The following RPGR variants were observed in gnomAD, a reference collection of about 807,000 sequenced individuals.
The protein encoded by RPGR is retinitis pigmentosa GTPase regulator.
Under a neutral mutation model 56.3 loss-of-function variants are expected in RPGR, and 10 were observed. That is an observed-to-expected ratio of 0.18 (90% CI 0.11 to 0.30). The LOEUF (loss-of-function observed/expected upper bound fraction) is 0.30, where lower values mean the gene tolerates loss of function less well. Ranked by LOEUF, RPGR falls within the 10% of genes least tolerant of loss-of-function variation. The pLI is 1.00. For synonymous variants in RPGR, 197 were observed against 212.9 expected (o/e 0.93, Z 0.65); for missense variants, 538 against 590.9 (o/e 0.91, Z 0.93).
At position 38,299,045 on chromosome X, in the gene RPGR, A is replaced by G; in HGVS notation, c.1156T>C (p.Ser386Pro). ...CTATACGGCAGAAAAGTCGCCACAG[A>G]TAAGCAAGTATCATTTATTTCATCG... The change falls in exon 10 of 19, where the codon TCT (serine) becomes CCT (proline). Residue 386 changes from serine (S) to proline (P), a missense_variant. Physicochemically the swap from Ser to Pro is moderately conservative, Grantham distance 74. Around this residue, in one of 2 missense-constraint regions of RPGR, gnomAD observed 357 missense variants for 325.8 expected, o/e 1.10. Coordinates refer to ENST00000642395, the MANE Select transcript of RPGR (RefSeq NM_000328.3). 2 of 1,211,661 alleles carry G rather than the reference A, an allele frequency of 1.7e-6. No homozygotes were observed. Among genetic ancestry groups the G allele is most frequent in the Non-Finnish European group, 2.2e-6 (2 of 895,447 alleles).
chrX:38,276,510 A>G, intron 16 of RPGR: 1 of 1,009,366 alleles, frequency 9.9e-7, no homozygotes, highest in Non-Finnish European at 1.4e-6. Flanking sequence ...AGGCAACTGG[A>G]ATCTGTCCTC....
rs115658398 is a variant in RPGR, at chrX:38,306,147, A to C, written c.779-1357T>G. ...TTAGTCACTTCTCCTTAGTACACTG[A>C]GTTTTGTACTTTGAGTTTAGTACAT... On this transcript the variant is annotated intron_variant, in intron 7 of 18. Coordinates refer to ENST00000642395, the MANE Select transcript of RPGR (RefSeq NM_000328.3). Among the ~76,000 whole-genome samples, 1,077 of 111,937 alleles carry C rather than the reference A, an allele frequency of 9.6e-3. 16 individuals carry two copies. The highest frequency in any genetic ancestry group is 0.033 in the African/African-American group (1,024 of 30,805).
rs181628882 is a variant in RPGR at position 38,324,935 on chromosome X, C to T, written c.29-1411G>A. Among the ~76,000 whole-genome samples the T allele has an allele frequency of 3.9e-3, 413 of 106,369 alleles. 2 individuals carry two copies. The highest frequency in any genetic ancestry group is 0.014 in the African/African-American group (397 of 29,212). 92.4% of individuals were successfully genotyped at this position (106,369 alleles called of 115,157 possible). On this transcript the variant is annotated intron_variant, in intron 1 of 18. Transcript: ENST00000642395. The stretch of plus-strand genomic sequence containing the variant: ...CTGTAATCACAGCACTTTGGGAGGC[C>T]GAGGCAGGTGGATCATTTGAGGTCA...
At chrX:38,318,637 AAAATAAGCAT>A (rs2067870642) in intron 5 of RPGR, among the ~76,000 whole-genome samples, 182 bp downstream of exon 5, 1 of 112,286 alleles carries the variant, frequency 8.9e-6, no homozygotes, top group Admixed American at 9.5e-5. Flanking sequence ...AAATAAGCAT[AAAATAAGCAT>A]AAATAAGCAT....
chrX:38,309,824 G>A (rs1015845291), intron 7 of RPGR, among the ~76,000 whole-genome samples: 33 of 109,732 alleles, frequency 3.0e-4, no homozygotes, highest in Non-Finnish European at 1.9e-4. Context: ...GCGAAACTCC[G>A]TCTCAAAAAA....
intron 17 of RPGR, among the ~76,000 whole-genome samples, chrX:38,274,328 T>G (rs913817298): frequency 3.6e-5 from 4 of 111,772 alleles, no homozygotes; most frequent in Non-Finnish European, 7.5e-5. Flanking sequence ...GGTAAGACAC[T>G]CAGGTCTGAG....
intron 15 of RPGR, among the ~76,000 whole-genome samples, chrX:38,282,886 T>C (rs2067056901): frequency 9.0e-6 from 1 of 110,893 alleles, no homozygotes; most frequent in Non-Finnish European, 1.9e-5. Context: ...TGTAACTCAA[T>C]GGATTCTATA....
At chrX:38,314,231 C>T (rs1482633472) in intron 6 of RPGR, among the ~76,000 whole-genome samples, 2 of 111,509 alleles carry the variant, frequency 1.8e-5, no homozygotes, top group Non-Finnish European at 3.8e-5. Flanking sequence ...AAGGTGAGTG[C>T]TTTTAATCCA....
intron 15 of RPGR, among the ~76,000 whole-genome samples, chrX:38,277,580 A>T (rs55719880): frequency 9.0e-6 from 1 of 110,770 alleles, no homozygotes; most frequent in Non-Finnish European, 1.9e-5. Context: ...ACACTTCACT[A>T]AAGTTATAAC....
At chrX:38,286,731 T>A in intron 15 of RPGR, 2 of 1,153,575 alleles carry the variant, frequency 1.7e-6, no homozygotes, top group Non-Finnish European at 2.3e-6. Context: ...CTCCTTCCTC[T>A]TTCCCTTCTC....
At chrX:38,285,493 C>A in intron 15 of RPGR, 1 of 1,209,818 alleles carries the variant, frequency 8.3e-7, no homozygotes, top group Non-Finnish European at 1.1e-6. Flanking sequence ...ATATGCAAGG[C>A]ATTTAAATTG....
chrX:38,274,964 G>A (rs1412593775), intron 17 of RPGR: 2 of 541,734 alleles, frequency 3.7e-6, no homozygotes, highest in Non-Finnish European at 6.2e-6. Context: ...TCATGTGACA[G>A]TAAAAATTAT....
At chrX:38,294,120 T>C (rs1282269541) in intron 11 of RPGR, among the ~76,000 whole-genome samples, 2 of 111,757 alleles carry the variant, frequency 1.8e-5, no homozygotes, top group East Asian at 5.6e-4. Flanking sequence ...AGGTCACCAG[T>C]AAACTCCATT....
chrX:38,285,403 T>C, intron 15 of RPGR: 4 of 1,103,017 alleles, frequency 3.6e-6, no homozygotes, highest in East Asian at 3.4e-5. Context: ...TTAACACAGC[T>C]GCATCAGTTG....
chrX:38,274,633 G>T (rs1282505117), intron 17 of RPGR, among the ~76,000 whole-genome samples: 1 of 111,167 alleles, frequency 9.0e-6, no homozygotes, highest in Non-Finnish European at 1.9e-5. Context: ...TGGACAATAT[G>T]GCAAAACCAC....
At chrX:38,295,975 T>C (rs1299373883) in intron 11 of RPGR, 1 of 112,383 alleles carries the variant, frequency 8.9e-6, no homozygotes, top group African/African-American at 3.2e-5. Context: ...AAATATGTTT[T>C]GAAACTTACA....
At chrX:38,312,937 A>G (rs9792808) in intron 6 of RPGR, among the ~76,000 whole-genome samples, 37,486 of 108,892 alleles carry the variant, frequency 0.34, 4,851 homozygotes, top group East Asian at 0.61. Flanking sequence ...AGTGAGACCT[A>G]GCTCAAAAAA....
chrX:38,273,373 TC>T, intron 18 of RPGR: 1 of 1,155,784 alleles, frequency 8.7e-7, no homozygotes, highest in Non-Finnish European at 1.2e-6. Context: ...AAAAGACAAT[TC>T]ATTTCACTTA....
chrX:38,322,820 T>C (rs2147290235), intron 3 of RPGR, 33 bp downstream of exon 3: 2 of 1,078,458 alleles, frequency 1.9e-6, no homozygotes, highest in Non-Finnish European at 2.6e-6. Flanking sequence ...AAATACTTTA[T>C]ACAGTTTGTG....
Sources: allele counts gnomAD v4.1 joint callset (sites outside exome capture counted in the v4.1 genomes callset), GRCh38; gene constraint gnomAD v4.1.1; regional missense constraint gnomAD v4.1.1; transcripts MANE v1.5; gene names NCBI Gene and HGNC (gene_info 2026-07-23, HGNC 2026-07-21).